AGBL1: variants seen among roughly 807,000 people sequenced by gnomAD.
AGBL1 encodes AGBL carboxypeptidase 1.
AGBL1 carries 130 observed loss-of-function variants against 118.9 expected under a neutral mutation model. The ratio of observed to expected loss-of-function variants is 1.09; its 90% CI spans 0.95 to 1.26. The LOEUF is 1.26. Ranked by LOEUF, AGBL1 falls within the 50% of genes most tolerant of loss-of-function variation. The pLI is 0.00. For missense variants in AGBL1, 1,584 were observed against 1,298.1 expected, an observed-to-expected ratio of 1.22 and a Z score of -3.38; for synonymous variants, 555 against 478.9, an observed-to-expected ratio of 1.16 and a Z score of -2.08.
rs1485911144 is a variant in AGBL1, at chr15:86,914,249, C to G, written c.*6955C>G. 6.6e-6 allele frequency: 1 copy of G among 152,186 alleles called. No individual in the cohort carries two copies. The highest frequency in any genetic ancestry group is 2.4e-5 in the African/African-American group (1 of 41,436). 9.4% of individuals were successfully genotyped at this position (152,186 alleles called of 1,614,324 possible). A position where few individuals can be genotyped will look rare whatever the true frequency, so the allele number is the denominator to read the frequency against. On this transcript the variant is annotated 3_prime_UTR_variant, in exon 23 of 23. Transcript: ENST00000614907. ...GACTATCAACCAGACCCCACCCACA[C>G]TTCATTCTGAAGAGGAAGTTATTTT...
chr15:86,176,164 C>T (rs2077479073), intron 5 of AGBL1, among the ~76,000 whole-genome samples: 2 of 152,186 alleles, frequency 1.3e-5, no homozygotes, highest in Admixed American at 6.5e-5. Flanking sequence ...TCTCCAAGTT[C>T]CCTGATTGTG....
intron 24 of AGBL1, among the ~76,000 whole-genome samples, chr15:87,001,377 A>G (rs567349778): frequency 6.6e-5 from 10 of 152,106 alleles, no homozygotes; most frequent in African/African-American, 2.4e-4. Context: ...AATCCAGTCT[A>G]TCATTGTTGG....
At chr15:86,435,749 G>A (rs150346016) in intron 18 of AGBL1, among the ~76,000 whole-genome samples, 7 of 152,140 alleles carry the variant, frequency 4.6e-5, no homozygotes, top group African/African-American at 9.6e-5. Context: ...ACCTCTCTGC[G>A]GCTCGGATTC....
chr15:86,532,005 T>C (rs2083356082), intron 19 of AGBL1, among the ~76,000 whole-genome samples: 1 of 151,776 alleles, frequency 6.6e-6, no homozygotes, highest in South Asian at 2.1e-4. Context: ...GCCAATATCA[T>C]ACTGAATGGG....
In AGBL1 at chr15:86,668,259, G is replaced by A. The variant is rs1458293074; in HGVS notation, c.2995-6014G>A. ...CATATCATCCACCTTTGAGATATTG[G>A]AAAACTTCTTGAAGTTGTCTTCTCT... On this transcript the variant is annotated intron_variant, in intron 21 of 22. Coordinates refer to ENST00000614907, the MANE Select transcript of AGBL1 (RefSeq NM_001386094.1). Among the ~76,000 whole-genome samples the A allele has an allele frequency of 3.9e-5, 6 of 152,246 alleles. No homozygotes were observed. In the East Asian group the frequency reaches 1.2e-3, roughly 29 times the overall value.
At chr15:86,127,218 G>A (rs2076758800) in intron 1 of AGBL1, among the ~76,000 whole-genome samples, 1 of 152,174 alleles carries the variant, frequency 6.6e-6, no homozygotes, top group African/African-American at 2.4e-5. Context: ...AGGGCTTTGT[G>A]TTTTCAACCG....
intron 3 of AGBL1, among the ~76,000 whole-genome samples, chr15:86,153,311 C>A: frequency 6.6e-6 from 1 of 152,178 alleles, no homozygotes. Flanking sequence ...CACATATACC[C>A]CATGGAATAC....
chr15:86,995,562 C>A (rs2081372347), intron 24 of AGBL1, among the ~76,000 whole-genome samples: 1 of 151,900 alleles, frequency 6.6e-6, no homozygotes, highest in South Asian at 2.1e-4. Context: ...TTCAAAAAGC[C>A]CTGAAGATTA....
At chr15:86,366,357 A>G (rs904444092) in intron 17 of AGBL1, among the ~76,000 whole-genome samples, 1 of 152,186 alleles carries the variant, frequency 6.6e-6, no homozygotes, top group Non-Finnish European at 1.5e-5. Flanking sequence ...GCAACATTTC[A>G]GAGATCTCTA....
intron 23 of AGBL1, among the ~76,000 whole-genome samples, chr15:86,983,149 C>A (rs2081248443): frequency 6.6e-6 from 1 of 151,806 alleles, no homozygotes; most frequent in Non-Finnish European, 1.5e-5. Context: ...ATTGAGTTGA[C>A]CTTCTTTTTG....
chr15:86,718,948 CT>C (rs2086676742), intron 22 of AGBL1, among the ~76,000 whole-genome samples: 1 of 152,098 alleles, frequency 6.6e-6, no homozygotes, highest in South Asian at 2.1e-4. Flanking sequence ...GCGTCTGGTA[CT>C]GCTAAAAGTT....
In AGBL1 at chr15:86,886,595, C is replaced by T. The variant is rs544330683; in HGVS notation, c.3159-20492C>T. ...TGAATTAATAGAAATGTGTCTCTGGCTTCTAAGGGACCATACGGTGAATAA... is the reference window on the plus strand; with the variant it reads ...TGAATTAATAGAAATGTGTCTCTGGTTTCTAAGGGACCATACGGTGAATAA... On this transcript the variant is annotated intron_variant, in intron 22 of 22. Coordinates refer to ENST00000614907, the MANE Select transcript of AGBL1 (RefSeq NM_001386094.1). Among the ~76,000 whole-genome samples, 28 of 152,232 alleles carry T rather than the reference C, an allele frequency of 1.8e-4. 1 individual carries two copies. In the Middle Eastern group the frequency reaches 0.01, roughly 55 times the overall value.
chr15:86,092,506 T>A (rs759614676), intron 1 of AGBL1, among the ~76,000 whole-genome samples: 36 of 152,152 alleles, frequency 2.4e-4, no homozygotes, highest in Non-Finnish European at 4.6e-4. Flanking sequence ...AAAATCAATG[T>A]TCTAATGATA....
chr15:86,091,958 A>G (rs530191282), intron 1 of AGBL1, among the ~76,000 whole-genome samples: 124 of 152,270 alleles, frequency 8.1e-4, no homozygotes, highest in African/African-American at 2.7e-3. Context: ...TTTTCTGACA[A>G]TCTAAACTAG....
chr15:86,950,317 T>C (rs1008233680), intron 23 of AGBL1, among the ~76,000 whole-genome samples: 2 of 150,878 alleles, frequency 1.3e-5, no homozygotes, highest in African/African-American at 2.4e-5. Context: ...AAAAAACAAA[T>C]GTAAAATAAA....
At chr15:86,333,260 A>G (rs2080304495) in intron 17 of AGBL1, among the ~76,000 whole-genome samples, 1 of 152,200 alleles carries the variant, frequency 6.6e-6, no homozygotes, top group Non-Finnish European at 1.5e-5. Context: ...GGTTTTTTGA[A>G]AGCATAAGCA....
At chr15:86,551,688 C>T (rs1462317900) in intron 20 of AGBL1, among the ~76,000 whole-genome samples, 2 of 152,098 alleles carry the variant, frequency 1.3e-5, no homozygotes, top group East Asian at 1.9e-4. Flanking sequence ...GAAACACTTG[C>T]CAACTCATTT....
chr15:86,690,726 T>G (rs2575871), intron 22 of AGBL1, among the ~76,000 whole-genome samples: 1 of 151,878 alleles, frequency 6.6e-6, no homozygotes, highest in Admixed American at 6.6e-5. Context: ...TTAGTCACCA[T>G]AGAAAATTAT....
chr15:86,318,455 G>A (rs2080051014), intron 17 of AGBL1, among the ~76,000 whole-genome samples: 1 of 151,264 alleles, frequency 6.6e-6, no homozygotes, highest in South Asian at 2.1e-4. Flanking sequence ...GAGCCATAAT[G>A]TAGTACTATC....
Sources: gnomAD v4.1 joint callset for allele counts (sites outside exome capture counted in the v4.1 genomes callset) on GRCh38, gnomAD v4.1.1 for gene constraint, MANE v1.5 for transcripts, NCBI Gene and HGNC (gene_info 2026-07-23, HGNC 2026-07-21) for gene names.